The following DST variants were observed in gnomAD, a reference collection of about 807,000 sequenced individuals.
The protein encoded by DST is bullous pemphigoid antigen.
A neutral mutation model predicts 875.2 loss-of-function variants in DST; 253 were observed. That is an observed-to-expected ratio of 0.29 (90% CI 0.26 to 0.32). DST has a LOEUF of 0.32. Among genes scored for constraint, DST ranks in the 10% least tolerant of loss-of-function variants. DST has a pLI of 1.00. For synonymous variants in DST, 3,124 were observed against 3,197.1 expected (o/e 0.98, Z 0.77); for missense variants, 8,287 against 9,111.6 (o/e 0.91, Z 3.68).
In DST at chr6:56,598,682, C is replaced by T; in HGVS notation, c.11722G>A (p.Ala3908Thr). ...TTCACTACTTCAGCCAATGCCTGTG[C>T]ACTTCCTTGCATATCTTTCTGTAAT... ...EELQKDMQGS[A>T]QALAEVVKNT... Residue 3908 changes from alanine (A) to threonine (T), a missense_variant, in exon 46 of 104, where the codon GCA becomes ACA. By Grantham distance (58) the Ala-to-Thr change is moderately conservative. Transcript: ENST00000680361. 6.2e-7 allele frequency: 1 copy of T among 1,600,972 alleles called. No individual in the cohort carries two copies. Among genetic ancestry groups the T allele is most frequent in the East Asian group, 2.2e-5 (1 of 44,628 alleles).
chr6:56,470,087 C>G, intron 96 of DST, 41 bp downstream of exon 96: 21 of 1,608,594 alleles, frequency 1.3e-5, no homozygotes, highest in Non-Finnish European at 1.8e-5. Flanking sequence ...CGTGGCAGAA[C>G]ATACTATCAG....
chr6:56,893,149 C>T (rs1198310014), intron 3 of DST, among the ~76,000 whole-genome samples: 1 of 152,146 alleles, frequency 6.6e-6, no homozygotes, highest in Non-Finnish European at 1.5e-5. Flanking sequence ...TTATCCCTCG[C>T]CCTCCTCATA....
intron 2 of DST, among the ~76,000 whole-genome samples, chr6:56,918,664 C>T (rs1209478045): frequency 6.6e-6 from 1 of 152,214 alleles, no homozygotes; most frequent in Admixed American, 6.5e-5. Context: ...TCTAGCAACA[C>T]TATGAAAGTG....
chr6:56,825,240 A>T (rs1381238477), intron 4 of DST, among the ~76,000 whole-genome samples: 2 of 149,192 alleles, frequency 1.3e-5, no homozygotes, highest in Non-Finnish European at 3.0e-5. Context: ...GTGTCCACTC[A>T]GGGTTAAATG....
intron 37 of DST, 44 bp downstream of exon 37, chr6:56,614,312 C>A: frequency 6.5e-7 from 1 of 1,530,736 alleles, no homozygotes; most frequent in South Asian, 1.3e-5. Flanking sequence ...CAGTTAACGT[C>A]CCTGCTATTA....
intron 71 of DST, 93 bp from the exon 72 acceptor site, chr6:56,515,761 G>T: frequency 3.3e-6 from 3 of 907,500 alleles, no homozygotes; most frequent in African/African-American, 1.7e-5. Context: ...CCTGGACAGA[G>T]TGGGCGTTTG....
intron 94 of DST, chr6:56,471,842 C>T: frequency 1.7e-6 from 1 of 576,856 alleles, no homozygotes; most frequent in Admixed American, 3.0e-5. Flanking sequence ...ATTTTTTTTA[C>T]TTCATTGATT....
At chr6:56,917,281 C>G (rs371463251) in intron 2 of DST, among the ~76,000 whole-genome samples, 1 of 151,760 alleles carries the variant, frequency 6.6e-6, no homozygotes, top group Admixed American at 6.6e-5. Flanking sequence ...ATTTTCATGA[C>G]CTAAAATCTT....
intron 9 of DST, among the ~76,000 whole-genome samples, chr6:56,695,291 G>A (rs2099257529): frequency 1.3e-5 from 2 of 151,826 alleles, no homozygotes; most frequent in African/African-American, 4.8e-5. Flanking sequence ...CAGATGCCAG[G>A]ACTATGTCTC....
At chr6:56,821,370 A>C (rs1040173261) in intron 4 of DST, among the ~76,000 whole-genome samples, 1 of 152,208 alleles carries the variant, frequency 6.6e-6, no homozygotes, top group African/African-American at 2.4e-5. Context: ...CAAGGAAGCA[A>C]GCTGGCTGGG....
chr6:56,492,385 C>T lies in DST; in HGVS notation c.20599G>A (p.Asp6867Asn). ...TATTTTAGGTGGGTTCCAGTTTTGTCCAGCTCTATTATCTGCTCACGATGA... is the reference window on the plus strand; with the variant it reads ...TATTTTAGGTGGGTTCCAGTTTTGTTCAGCTCTATTATCTGCTCACGATGA... ...NSHREQIIEL[D>N]KTGTHLKYFS... The change falls in exon 85 of 104, where the codon GAC (aspartate) becomes AAC (asparagine). Residue 6867 changes from aspartate to asparagine, a missense_variant. Asp to Asn is a conservative substitution (Grantham distance 23). This residue lies in a region of DST where 1,292 missense variants were observed against 1,552.7 expected (regional missense o/e 0.83). Transcript: ENST00000680361. 1.2e-6 allele frequency: 2 copies of T among 1,613,778 alleles called. No homozygotes were observed. Among genetic ancestry groups the T allele is most frequent in the Admixed American group, 1.7e-5 (1 of 60,006 alleles).
intron 96 of DST, 79 bp from the exon 97 acceptor site, chr6:56,470,036 T>C (rs1582248203): frequency 1.2e-6 from 2 of 1,600,930 alleles, no homozygotes; most frequent in East Asian, 2.2e-5. Context: ...ACACAACAAT[T>C]AGAGTGAAAA....
intron 13 of DST, among the ~76,000 whole-genome samples, chr6:56,647,108 ATCCAAG>A (rs2098947391): frequency 1.3e-5 from 2 of 152,260 alleles, no homozygotes; most frequent in Non-Finnish European, 2.9e-5. Flanking sequence ...AGTACAATTC[ATCCAAG>A]GGTCTGGACA....
At chr6:56,826,129 C>T (rs1215260700) in intron 4 of DST, among the ~76,000 whole-genome samples, 1 of 152,172 alleles carries the variant, frequency 6.6e-6, no homozygotes, top group Non-Finnish European at 1.5e-5. Context: ...CTGTACTTTG[C>T]CTAGAAAGAC....
Position 56,631,796 on chromosome 6 carries a change from A to G in DST, c.3963+87T>C, listed in dbSNP as rs111423030. On this transcript the variant is annotated intron_variant, in intron 29 of 103. Transcript: ENST00000680361. ...ACTAGACTGGCTAGTGTGAGTGTGC[A>G]AAACTGAACATTAAGAAGTCACAAG... 3,647 of 1,293,622 alleles carry G rather than the reference A, an allele frequency of 2.8e-3. 48 individuals are homozygous for G. The African/African-American group carries it at 0.033, about 12-fold the overall frequency. 80.1% of individuals were successfully genotyped at this position (1,293,622 alleles called of 1,614,324 possible).
In DST at chr6:56,629,272, C is replaced by T. The variant is rs1181400642; in HGVS notation, c.4453G>A (p.Val1485Ile). Residue 1485 changes from valine to isoleucine, a missense_variant, in exon 32 of 104, where the codon GTT (valine) becomes ATT (isoleucine). Coordinates refer to ENST00000680361, the MANE Select transcript of DST (RefSeq NM_001374736.1). ...AACCTGTTGTCAATCTGCACATGAA[C>T]ATTTTGCCACCTTTCAACTAATTGA... ...ADQLVERWQN[V>I]HVQIDNRLRD... is the part of the protein sequence containing the mutation. 1 of 1,613,706 alleles carries T rather than the reference C, an allele frequency of 6.2e-7. No homozygotes were observed. The highest frequency in any genetic ancestry group is 2.2e-5 in the East Asian group (1 of 44,784).
chr6:56,677,454 C>T (rs2099136660), intron 9 of DST, among the ~76,000 whole-genome samples: 1 of 152,116 alleles, frequency 6.6e-6, no homozygotes, highest in South Asian at 2.1e-4. Context: ...ACAGCTAGGA[C>T]CACCACCATG....
Position 56,530,072 on chromosome 6 carries a change from G to C in DST, c.17170C>G (p.Leu5724Val), listed in dbSNP as rs1412441789. The change falls in exon 65 of 104, where the codon CTG becomes GTG. Residue 5724 changes from leucine to valine, a missense_variant. Leu to Val is a conservative substitution (Grantham distance 32, BLOSUM62 1). This residue lies in a region of DST where 777 missense variants were observed against 764.8 expected (regional missense o/e 1.02). Coordinates refer to ENST00000680361, the MANE Select transcript of DST (RefSeq NM_001374736.1). ...TCTATGGTTGTAAGCCACTCGTTCA[G>C]TGGTTCTAAGGTTTCATGAAATTGC... ...AQQFHETLEP[L>V]NEWLTTIEKR... 1 of 1,612,990 alleles carries C rather than the reference G, an allele frequency of 6.2e-7. No homozygotes were observed. Among genetic ancestry groups the C allele is most frequent in the South Asian group, 1.1e-5 (1 of 90,958 alleles).
chr6:56,900,277 C>T (rs1206925109), intron 3 of DST, 144 bp downstream of exon 3: 3 of 613,972 alleles, frequency 4.9e-6, no homozygotes, highest in Non-Finnish European at 7.6e-6. Flanking sequence ...CTTGCTGAAA[C>T]TCATATGAGT....
Sources: allele counts gnomAD v4.1 joint callset (sites outside exome capture counted in the v4.1 genomes callset), GRCh38; gene constraint gnomAD v4.1.1; regional missense constraint gnomAD v4.1.1; transcripts MANE v1.5; gene names NCBI Gene and HGNC (gene_info 2026-07-23, HGNC 2026-07-21).